Variants in NXPE3 observed in about 807,000 individuals in gnomAD.
NXPE3 encodes the protein neurexophilin and PC-esterase domain family member 3.
NXPE3 carries 26 observed loss-of-function variants against 46.1 expected under a neutral mutation model. The ratio of observed to expected loss-of-function variants is 0.56; its 90% confidence interval spans 0.41 to 0.78. The LOEUF (loss-of-function observed/expected upper bound fraction) is 0.78, where lower values mean the gene tolerates loss of function less well. NXPE3 is among the 30% of genes least tolerant of loss of function. The pLI, the probability that NXPE3 is intolerant of heterozygous loss-of-function variation, is 0.00. For missense variants in NXPE3, 620 were observed against 686.0 expected (o/e 0.90, Z 1.07); for synonymous variants, 272 against 257.9 (o/e 1.05, Z -0.52).
intron 5 of NXPE3, among the ~76,000 whole-genome samples, chr3:101,803,713 G>A (rs1176631591): frequency 9.2e-5 from 14 of 152,276 alleles, no homozygotes; most frequent in Non-Finnish European, 2.9e-5. Flanking sequence ...TCAACGTCCC[G>A]GGTTCGACGG....
In NXPE3 at chr3:101,803,064, G is replaced by T. The variant is rs148493156; in HGVS notation, c.848+1075G>T. ...CAACAAAAAGTACAATTGTTTGAAAGAATGTATACATGTTTTTTACTTTTT... is the reference window on the plus strand; with the variant it reads ...CAACAAAAAGTACAATTGTTTGAAATAATGTATACATGTTTTTTACTTTTT... On this transcript the variant is annotated intron_variant, in intron 5 of 7. Coordinates refer to ENST00000273347, the MANE Select transcript of NXPE3 (RefSeq NM_145037.4). Among the ~76,000 whole-genome samples, 68 of 152,266 alleles carry T rather than the reference G, an allele frequency of 4.5e-4. 1 individual carries two copies. The highest frequency in any genetic ancestry group is 1.6e-3 in the African/African-American group (66 of 41,558).
At chr3:101,819,694 T>G (rs1440588736) in intron 7 of NXPE3, among the ~76,000 whole-genome samples, 2 of 152,234 alleles carry the variant, frequency 1.3e-5, no homozygotes, top group African/African-American at 4.8e-5. Flanking sequence ...ATATATACAT[T>G]GTGGAATTAG....
At chr3:101,784,222 T>TA in intron 3 of NXPE3, among the ~76,000 whole-genome samples, 1 of 152,206 alleles carries the variant, frequency 6.6e-6, no homozygotes, top group South Asian at 2.1e-4. Context: ...TATGGTTTTT[T>TA]AAAAAAATAC....
rs754253335 is a variant in NXPE3 at position 101,822,001 on chromosome 3, A to G, written c.*47A>G. The G allele has an allele frequency of 6.4e-7, 1 of 1,559,078 alleles. No individual in the cohort carries two copies. The highest frequency in any genetic ancestry group is 8.8e-7 in the Non-Finnish European group (1 of 1,141,556). ...GGAATCATATTCAATGACCTTCTCA[A>G]TTGACCTGAGTTACAGAAAGTGGCC... On this transcript the variant is annotated 3_prime_UTR_variant, in exon 8 of 8. Transcript: ENST00000273347.
chr3:101,814,002 T>C (rs909063946), intron 6 of NXPE3, among the ~76,000 whole-genome samples: 4 of 152,232 alleles, frequency 2.6e-5, no homozygotes, highest in Admixed American at 6.5e-5. Flanking sequence ...TAATGTCAGA[T>C]TTAGTAATTG....
At chr3:101,780,124 T>G (rs80031994) in intron 1 of NXPE3, among the ~76,000 whole-genome samples, 2,571 of 152,314 alleles carry the variant, frequency 0.017, 83 homozygotes, top group African/African-American at 0.058. Flanking sequence ...ATCACACTGC[T>G]TTGGTGGGCC....
In NXPE3 at chr3:101,823,366, T is replaced by G. The variant is rs1942342531; in HGVS notation, c.*1412T>G. ...GTATTTTAGGGGGAAAGAAGATTTT[T>G]AATTGTTTCTGAGCCTAATGAGGTA... On this transcript the variant is annotated 3_prime_UTR_variant, in exon 8 of 8. Transcript: ENST00000273347. 1 of 152,174 alleles carries G rather than the reference T, an allele frequency of 6.6e-6. No homozygotes were observed. The highest frequency in any genetic ancestry group is 1.5e-5 in the Non-Finnish European group (1 of 68,034). The allele number at this position is 152,174 out of a possible 1,614,324, so 9.4% of individuals were successfully genotyped here.
chr3:101,787,805 A>G (rs1168256224), intron 4 of NXPE3, among the ~76,000 whole-genome samples: 2 of 152,222 alleles, frequency 1.3e-5, no homozygotes, highest in African/African-American at 4.8e-5. Context: ...TACATACCAC[A>G]TTTTGTTTAT....
chr3:101,814,066 G>T (rs1482652467), intron 6 of NXPE3, among the ~76,000 whole-genome samples: 5 of 152,148 alleles, frequency 3.3e-5, no homozygotes, highest in Non-Finnish European at 5.9e-5. Context: ...AATGGAAATG[G>T]TAATTGTTTC....
chr3:101,818,731 ATATATATATATATATATATATAT>A (rs1942084147), intron 7 of NXPE3, among the ~76,000 whole-genome samples: 1 of 22,918 alleles, frequency 4.4e-5, no homozygotes, highest in African/African-American at 1.7e-4. Context: ...ATATATATAT[ATATATATATATATATATATATAT>A]TTTTTTTTTT....
chr3:101,793,151 G>A (rs1940614914), intron 4 of NXPE3, among the ~76,000 whole-genome samples: 1 of 152,172 alleles, frequency 6.6e-6, no homozygotes, highest in African/African-American at 2.4e-5. Context: ...TTATTAACTA[G>A]AGGAGCTTTT....
chr3:101,808,844 T>TACACAC lies in NXPE3; in HGVS notation c.922+1719_922+1720insCACACA, dbSNP rs1560057797. 1.5e-5 allele frequency among the ~76,000 whole-genome samples: 2 copies of TACACAC among 129,402 alleles called. 1 individual carries two copies. Among genetic ancestry groups the TACACAC allele is most frequent in the African/African-American group, 5.8e-5 (2 of 34,568 alleles). The allele number at this position is 129,402 out of a possible 152,430, so 84.9% of individuals were successfully genotyped here. On this transcript the variant is annotated intron_variant, in intron 6 of 7. Coordinates refer to ENST00000273347, the MANE Select transcript of NXPE3 (RefSeq NM_145037.4). Reference sequence around the variant, plus strand: ...ATATATATATATATATATATATATATATATATATATATGAGACATTTATCT... The same window carrying TACACAC: ...ATATATATATATATATATATATATATACACACATATATATATATGAGACATTTATCT...
chr3:101,816,780 C>CT lies in NXPE3; in HGVS notation c.923-9dup. 6.3e-7 allele frequency: 1 copy of CT among 1,582,916 alleles called. No individual in the cohort carries two copies. Among genetic ancestry groups the CT allele is most frequent in the Non-Finnish European group, 8.6e-7 (1 of 1,159,542 alleles). On this transcript the variant is annotated splice_polypyrimidine_tract_variant and intron_variant, in intron 6 of 7. Coordinates refer to ENST00000273347, the MANE Select transcript of NXPE3 (RefSeq NM_145037.4). ...GGAGAATATTAAAATATTTGTTTTT[C>CT]TTTTTTCTTTGCAGAAACTAACAGT...
At chr3:101,817,872 TTTA>T in intron 7 of NXPE3, among the ~76,000 whole-genome samples, 1 of 152,258 alleles carries the variant, frequency 6.6e-6, no homozygotes, top group South Asian at 2.1e-4. Context: ...AGCCTTTTTA[TTTA>T]TTATGTCAAC....
intron 4 of NXPE3, among the ~76,000 whole-genome samples, chr3:101,798,196 T>C (rs1940942558): frequency 6.6e-6 from 1 of 152,126 alleles, no homozygotes; most frequent in South Asian, 2.1e-4. Flanking sequence ...CATTTTTTCA[T>C]GTGTTTTTTG....
At chr3:101,787,258 C>G (rs1291760042) in intron 4 of NXPE3, among the ~76,000 whole-genome samples, 1 of 152,182 alleles carries the variant, frequency 6.6e-6, no homozygotes, top group Admixed American at 6.5e-5. Context: ...CTTGACAACT[C>G]TAAGTACCTT....
At chr3:101,805,359 C>A (rs1941365010) in intron 5 of NXPE3, among the ~76,000 whole-genome samples, 1 of 151,466 alleles carries the variant, frequency 6.6e-6, no homozygotes, top group Non-Finnish European at 1.5e-5. Flanking sequence ...TCTCTTTAAT[C>A]CAAAAGAATT....
intron 6 of NXPE3, among the ~76,000 whole-genome samples, chr3:101,814,117 C>T (rs963199302): frequency 1.3e-5 from 2 of 152,136 alleles, no homozygotes; most frequent in African/African-American, 4.8e-5. Context: ...ATATTTGACA[C>T]AGAATAACCG....
chr3:101,800,380 T>C (rs188141028), intron 4 of NXPE3, among the ~76,000 whole-genome samples: 1 of 152,328 alleles, frequency 6.6e-6, no homozygotes, highest in Admixed American at 6.5e-5. Flanking sequence ...TTAATTTCAT[T>C]ATGGCTTAAG....
Sources: allele counts gnomAD v4.1 joint callset (sites outside exome capture counted in the v4.1 genomes callset), GRCh38; gene constraint gnomAD v4.1.1; transcripts MANE v1.5; gene names NCBI Gene and HGNC (gene_info 2026-07-23, HGNC 2026-07-21).